THBS2: variants seen among roughly 807,000 people sequenced by gnomAD.
THBS2 encodes the protein thrombospondin-2.
In THBS2, 47 loss-of-function variants were observed where a neutral mutation model predicts 135.2. That is an observed-to-expected ratio of 0.35 (90% CI 0.28 to 0.44). The LOEUF is 0.44. THBS2 is among the 20% of genes least tolerant of loss of function. The pLI is 1.00. For synonymous variants in THBS2, 639 were observed against 633.8 expected, an observed-to-expected ratio of 1.01 and a Z score of -0.12; for missense variants, 1,288 against 1,603.1, an observed-to-expected ratio of 0.80 and a Z score of 3.36.
intron 4 of THBS2, 116 bp downstream of exon 4, chr6:169,246,081 T>G: frequency 1.3e-6 from 1 of 774,540 alleles, no homozygotes. Context: ...CCAAATATTT[T>G]TACTTAAATT....
Position 169,217,941 on chromosome 6 carries a change from A to C in THBS2, c.3512-112T>G, listed in dbSNP as rs561318741. 123 of 1,033,850 alleles carry C rather than the reference A, an allele frequency of 1.2e-4. 1 individual carries two copies. The African/African-American group carries it at 2.0e-3, about 17-fold the overall frequency. The allele number at this position is 1,033,850 out of a possible 1,614,324, so 64.0% of individuals were successfully genotyped here. On this transcript the variant is annotated intron_variant, in intron 21 of 21. Coordinates refer to ENST00000617924, the MANE Select transcript of THBS2 (RefSeq NM_003247.5). ...TATAATTACTTTAATTAAAGATGAGATCTATCATATGGATGGATGGATGGA... is the reference window on the plus strand; with the variant it reads ...TATAATTACTTTAATTAAAGATGAGCTCTATCATATGGATGGATGGATGGA...
intron 8 of THBS2, 43 bp from the exon 9 acceptor site, chr6:169,237,389 G>T: frequency 1.9e-6 from 3 of 1,609,452 alleles, no homozygotes; most frequent in Non-Finnish European, 1.7e-6. Context: ...GCCGCCTAGA[G>T]GGGTATTTGC....
At chr6:169,248,008 T>G (rs1052617158) in intron 3 of THBS2, among the ~76,000 whole-genome samples, 2 of 152,004 alleles carry the variant, frequency 1.3e-5, no homozygotes, top group Non-Finnish European at 2.9e-5. Flanking sequence ...TGAGGGTGTG[T>G]TCACATGCAT....
Position 169,221,462 on chromosome 6 carries a change from G to A in THBS2, c.3339C>T (p.His1113=), listed in dbSNP as rs754482111. The A allele has an allele frequency of 1.4e-5, 23 of 1,613,906 alleles. No individual in the cohort carries two copies. The East Asian group carries it at 4.2e-4, about 30-fold the overall frequency. Residue 1113 remains histidine (H), a synonymous_variant, in exon 20 of 22, where the codon CAC becomes CAT. Coordinates refer to ENST00000617924, the MANE Select transcript of THBS2 (RefSeq NM_003247.5). The part of the protein sequence containing the change: ...GWKDYTAYRW[H]LTHRPKTGYI... ...AGCCAGTCTTGGGCCTGTGAGTCAG[G>A]TGCCACCTATAGGCCGTGTAGTCCT...
intron 4 of THBS2, among the ~76,000 whole-genome samples, chr6:169,242,988 CA>C (rs1437205719): frequency 1.8e-5 from 2 of 108,422 alleles, no homozygotes; most frequent in African/African-American, 3.6e-5. Context: ...CACCTTCCCA[CA>C]TTCGCACCTT....
rs1282470979 is a variant in THBS2 at position 169,216,445 on chromosome 6, A to C, written c.*1377T>G. The C allele has an allele frequency of 6.6e-6, 1 of 152,208 alleles. No homozygotes were observed. The highest frequency in any genetic ancestry group is 2.4e-5 in the African/African-American group (1 of 41,444). 9.4% of individuals were successfully genotyped at this position (152,208 alleles called of 1,614,324 possible). A position where few individuals can be genotyped will look rare whatever the true frequency, so the allele number is the denominator to read the frequency against. ...ACCAACCAACAAAAAAAACAAAAAC[A>C]AAAACAAACTTGTGCATATTACACA... On this transcript the variant is annotated 3_prime_UTR_variant, in exon 22 of 22. Transcript: ENST00000617924.
rs1010348683 is a variant in THBS2, at chr6:169,248,431, C to G, written c.595G>C (p.Glu199Gln). 6.2e-7 allele frequency: 1 copy of G among 1,607,134 alleles called. No homozygotes were observed. The highest frequency in any genetic ancestry group is 1.3e-5 in the African/African-American group (1 of 74,842). Residue 199 changes from glutamate to glutamine, a missense_variant, in exon 3 of 22, where the codon GAG becomes CAG. Transcript: ENST00000617924. Reference sequence around the variant, plus strand: ...GCAGAGCGTACCCTGAAGTGACTCTCTCTGGCAGAGCCTTTGGCCACGTAC... The same window carrying G: ...GCAGAGCGTACCCTGAAGTGACTCTGTCTGGCAGAGCCTTTGGCCACGTAC... ...RMYVAKGSAR[E>Q]SHFRGLLQNV...
chr6:169,221,808 G>T (rs1173470426), intron 19 of THBS2, among the ~76,000 whole-genome samples: 3 of 152,102 alleles, frequency 2.0e-5, no homozygotes, highest in Non-Finnish European at 4.4e-5. Context: ...TTCATGTCTG[G>T]ATCTTCTCTT....
At chr6:169,242,203 C>A (rs1299266566) in intron 4 of THBS2, among the ~76,000 whole-genome samples, 1 of 152,100 alleles carries the variant, frequency 6.6e-6, no homozygotes, top group Non-Finnish European at 1.5e-5. Context: ...TGGCTATTTC[C>A]CACGCTGCCA....
intron 4 of THBS2, among the ~76,000 whole-genome samples, chr6:169,242,565 A>ACTTCCCCC (rs1780348651): frequency 1.0e-5 from 1 of 99,600 alleles, no homozygotes; most frequent in African/African-American, 4.0e-5. Flanking sequence ...ACTGCTCCTA[A>ACTTCCCCC]CTTCCCACCT....
Position 169,220,124 on chromosome 6 carries a change from G to C in THBS2, c.3511+74C>G, listed in dbSNP as rs59308480. The stretch of plus-strand genomic sequence containing the variant: ...TGATGTACAGCTTTTGTAAGTGGAA[G>C]AGCGCACTGTGTACCCCTTTCCCTT... On this transcript the variant is annotated intron_variant, in intron 21 of 21. Coordinates refer to ENST00000617924, the MANE Select transcript of THBS2 (RefSeq NM_003247.5). 8.3e-3 allele frequency: 12,854 copies of C among 1,539,590 alleles called. 782 individuals are homozygous for C. The African/African-American group carries it at 0.15, about 17-fold the overall frequency.
Position 169,246,294 on chromosome 6 carries a change from A to G in THBS2, c.610-13T>C, listed in dbSNP as rs1161742790. Reference sequence around the variant, plus strand: ...TCTGAAGCAAACCCTGTAAGTATACACAAGCAGAAAAATAGAGCAACAGAT... The same window carrying G: ...TCTGAAGCAAACCCTGTAAGTATACGCAAGCAGAAAAATAGAGCAACAGAT... On this transcript the variant is annotated splice_polypyrimidine_tract_variant and intron_variant, in intron 3 of 21. Transcript: ENST00000617924. 2 of 1,607,490 alleles carry G rather than the reference A, an allele frequency of 1.2e-6. No homozygotes were observed. Among genetic ancestry groups the G allele is most frequent in the East Asian group, 2.2e-5 (1 of 44,816 alleles).
Position 169,246,262 on chromosome 6 carries a change from T to C in THBS2, c.629A>G (p.His210Arg). 1.9e-6 allele frequency: 3 copies of C among 1,613,946 alleles called. No homozygotes were observed. Among genetic ancestry groups the C allele is most frequent in the Non-Finnish European group, 2.5e-6 (3 of 1,179,998 alleles). Residue 210 changes from histidine to arginine, a missense_variant, in exon 4 of 22, where the codon CAC becomes CGC. Physicochemically the swap from His to Arg is conservative, Grantham distance 29. Around this residue, in one of 2 missense-constraint regions of THBS2, gnomAD observed 414 missense variants for 447.0 expected, o/e 0.93. Coordinates refer to ENST00000617924, the MANE Select transcript of THBS2 (RefSeq NM_003247.5). ...TTCCACAGAGTTTTCAAACACTAGG[T>C]GGACGTTCTGAAGCAAACCCTGTAA... ...SHFRGLLQNV[H>R]LVFENSVEDI...
chr6:169,241,059 C>T lies in THBS2; in HGVS notation c.892-467G>A, dbSNP rs1396747933. ...GCTCCTGCCCTCGCCGCCCTCCCTG[C>T]CCCGGACTCCTGCCCCTGCCGCCCT... is the stretch of plus-strand genomic sequence containing the variant. On this transcript the variant is annotated intron_variant, in intron 5 of 21. Transcript: ENST00000617924. This position sits in a 1 kb window ranked among gnomAD's most constrained non-coding sequence, Gnocchi z 5.5. Among the ~76,000 whole-genome samples the T allele has an allele frequency of 6.6e-6, 1 of 150,768 alleles. No homozygotes were observed. Among genetic ancestry groups the T allele is most frequent in the Non-Finnish European group, 1.5e-5 (1 of 67,740 alleles).
Position 169,240,579 on chromosome 6 carries a change from T to G in THBS2, c.905A>C (p.Gln302Pro). 6.2e-6 allele frequency: 10 copies of G among 1,613,820 alleles called. No homozygotes were observed. The highest frequency in any genetic ancestry group is 8.5e-6 in the Non-Finnish European group (10 of 1,179,830). The change falls in exon 6 of 22, where the codon CAG (glutamine) becomes CCG (proline). Residue 302 changes from glutamine (Q) to proline (P), a missense_variant. Gln to Pro is a moderately conservative substitution (Grantham distance 76). This residue lies in a region of THBS2 where 414 missense variants were observed against 447.0 expected (regional missense o/e 0.93). Coordinates refer to ENST00000617924, the MANE Select transcript of THBS2 (RefSeq NM_003247.5). ...GCCACCAATGAGCTCCCAGAGAAAC[T>G]GGTTATCATTCGACTGGAAAATCAA... The part of the protein sequence containing the change: ...ENLKRVSNDN[Q>P]FLWELIGGPP...
intron 16 of THBS2, 95 bp from the exon 17 acceptor site, chr6:169,225,474 C>A: frequency 7.9e-7 from 1 of 1,270,034 alleles, no homozygotes; most frequent in South Asian, 1.4e-5. Flanking sequence ...CCGGCCTCCT[C>A]GTCCTGCAGC....
At chr6:169,217,925 TTTAA>T in intron 21 of THBS2, 96 bp from the exon 22 acceptor site, 4 of 1,200,136 alleles carry the variant, frequency 3.3e-6, no homozygotes, top group South Asian at 3.0e-5. Flanking sequence ...ATATAATTAC[TTTAA>T]TTAAAGATGA....
At chr6:169,251,973 C>T (rs1780771007) in intron 1 of THBS2, 1 of 152,272 alleles carries the variant, frequency 6.6e-6, no homozygotes, top group East Asian at 1.9e-4. Context: ...AGCTGTGCAA[C>T]CTAGGGAAAC....
intron 2 of THBS2, 60 bp downstream of exon 2, chr6:169,250,673 C>G (rs1016608168): frequency 7.0e-5 from 105 of 1,499,310 alleles, no homozygotes; most frequent in Non-Finnish European, 9.4e-5. Flanking sequence ...CATCTCTCCC[C>G]TTGCAGCTAA....
Sources: gnomAD v4.1 joint callset for allele counts (sites outside exome capture counted in the v4.1 genomes callset) on GRCh38, gnomAD v4.1.1 for gene constraint, gnomAD v4.1.1 regional missense constraint, Gnocchi (gnomAD v3.1) non-coding constraint, MANE v1.5 for transcripts, NCBI Gene and HGNC (gene_info 2026-07-23, HGNC 2026-07-21) for gene names.